CDC42: variants seen among roughly 807,000 people sequenced by gnomAD.
The protein encoded by CDC42 is cell division cycle 42.
CDC42 carries 1 observed loss-of-function variant against 20.8 expected under a neutral mutation model. The observed-to-expected ratio is 0.05, with a 90% CI of 0.02 to 0.23. CDC42 has a LOEUF of 0.23. Ranked by LOEUF, CDC42 falls within the 10% of genes least tolerant of loss-of-function variation. CDC42 has a pLI of 1.00. For synonymous variants in CDC42, 72 were observed against 84.8 expected (o/e 0.85, Z 0.83); for missense variants, 49 against 227.9 (o/e 0.21, Z 5.05).
chr1:22,072,531 AGACCTG>A (rs1477616786), intron 1 of CDC42, among the ~76,000 whole-genome samples: 2 of 152,276 alleles, frequency 1.3e-5, no homozygotes, highest in East Asian at 3.9e-4. Context: ...AAATGTTCAC[AGACCTG>A]GAAGCTCTCC....
chr1:22,087,088 TGAATGA>T, intron 5 of CDC42, among the ~76,000 whole-genome samples: 1 of 152,196 alleles, frequency 6.6e-6, no homozygotes, highest in African/African-American at 2.4e-5. Flanking sequence ...CGTATTGTAC[TGAATGA>T]TTCGTAGTGG....
chr1:22,087,179 G>T (rs1645669599), intron 5 of CDC42, among the ~76,000 whole-genome samples: 1 of 151,728 alleles, frequency 6.6e-6, no homozygotes, highest in Non-Finnish European at 1.5e-5. Flanking sequence ...CGATGTGAAT[G>T]ATTTTTTTTT....
chr1:22,073,910 C>G (rs1201430265), intron 1 of CDC42, among the ~76,000 whole-genome samples: 1 of 152,034 alleles, frequency 6.6e-6, no homozygotes, highest in Admixed American at 6.6e-5. Context: ...CTTGTCCCCC[C>G]AAAGTGCTGG....
chr1:22,090,925 G>T, intron 5 of CDC42: 2 of 340,442 alleles, frequency 5.9e-6, no homozygotes, highest in Non-Finnish European at 8.3e-6. Flanking sequence ...TGGGATAAAG[G>T]GAGTTCAAAG....
At chr1:22,060,800 TA>T (rs1645354553) in intron 1 of CDC42, among the ~76,000 whole-genome samples, 1 of 152,214 alleles carries the variant, frequency 6.6e-6, no homozygotes, top group Non-Finnish European at 1.5e-5. Context: ...CTTGCTTGCC[TA>T]AAAAACATTT....
At chr1:22,072,152 C>G (rs1338803489) in intron 1 of CDC42, among the ~76,000 whole-genome samples, 1 of 123,730 alleles carries the variant, frequency 8.1e-6, no homozygotes, top group Non-Finnish European at 1.6e-5. Context: ...GGCTGGAGTA[C>G]AGTGGCGTGA....
chr1:22,096,730 A>G lies in CDC42; in HGVS notation c.*5213A>G, dbSNP rs1221277578. ...CTGGGCCACTGCCCAGGCCACACAGAGCCTTTGTGCAAATTAGAAAAGGCC... is the reference window on the plus strand; with the variant it reads ...CTGGGCCACTGCCCAGGCCACACAGGGCCTTTGTGCAAATTAGAAAAGGCC... On this transcript the variant is annotated 3_prime_UTR_variant, in exon 6 of 6. Coordinates refer to ENST00000656825, the MANE Select transcript of CDC42 (RefSeq NM_001791.4). 6.6e-6 allele frequency among the ~76,000 whole-genome samples: 1 copy of G among 152,254 alleles called. No homozygotes were observed. Among genetic ancestry groups the G allele is most frequent in the Non-Finnish European group, 1.5e-5 (1 of 68,038 alleles).
At chr1:22,077,818 CT>C (rs1645567307) in intron 1 of CDC42, among the ~76,000 whole-genome samples, 2 of 152,196 alleles carry the variant, frequency 1.3e-5, no homozygotes, top group Admixed American at 1.3e-4. Context: ...AGCAATCTGA[CT>C]TTTTCATTAT....
At position 22,100,023 on chromosome 1, in the gene CDC42, C is replaced by T. The variant is rs1435755057; in HGVS notation, c.*8506C>T. ...TGGCCTTTTTTTCTTTCTTCTTCTT[C>T]TTCTTCTTTTTTTTTTTTTTTGTAT... On this transcript the variant is annotated 3_prime_UTR_variant, in exon 6 of 6. Coordinates refer to ENST00000656825, the MANE Select transcript of CDC42 (RefSeq NM_001791.4). 7.3e-5 allele frequency among the ~76,000 whole-genome samples: 2 copies of T among 27,388 alleles called. No individual in the cohort carries two copies. The highest frequency in any genetic ancestry group is 1.6e-4 in the African/African-American group (1 of 6,430). The allele number at this position is 27,388 out of a possible 152,430, so 18.0% of individuals were successfully genotyped here.
chr1:22,084,917 T>C (rs1472182438), intron 3 of CDC42, among the ~76,000 whole-genome samples: 1 of 152,080 alleles, frequency 6.6e-6, no homozygotes, highest in African/African-American at 2.4e-5. Context: ...CACTGAATGG[T>C]CTTGGCACCC....
At chr1:22,089,793 A>G in intron 5 of CDC42, 3 of 725,476 alleles carry the variant, frequency 4.1e-6, no homozygotes, top group East Asian at 5.7e-5. Context: ...CCTGGTTATA[A>G]TGGGCTTAAG....
chr1:22,073,761 C>T (rs1645518354), intron 1 of CDC42, among the ~76,000 whole-genome samples: 1 of 152,082 alleles, frequency 6.6e-6, no homozygotes, highest in Non-Finnish European at 1.5e-5. Context: ...TCAAGCAATC[C>T]TCCCACCTCA....
intron 1 of CDC42, among the ~76,000 whole-genome samples, chr1:22,067,170 C>T (rs1228105545): frequency 2.6e-5 from 4 of 152,062 alleles, no homozygotes; most frequent in African/African-American, 9.7e-5. Context: ...CTGTTTAGTC[C>T]GTTTAGGCTT....
intron 3 of CDC42, among the ~76,000 whole-genome samples, chr1:22,082,308 CAT>C (rs543418064): frequency 9.2e-5 from 14 of 152,210 alleles, no homozygotes; most frequent in African/African-American, 2.2e-4. Flanking sequence ...TGTCTAATAA[CAT>C]GTTTAGTTTC....
At position 22,089,866 on chromosome 1, in the gene CDC42, G is replaced by A. The variant is rs1161430695; in HGVS notation, c.487-1562G>A. 5.0e-6 allele frequency: 7 copies of A among 1,399,726 alleles called. No individual in the cohort carries two copies. In the South Asian group the frequency reaches 5.3e-5, roughly 11 times the overall value. 86.7% of individuals were successfully genotyped at this position (1,399,726 alleles called of 1,614,324 possible). ...TCTGTGAATTCAGCTCATTTAATCC[G>A]GACTGCTGTTGTACCTGCTAGTCTT... On this transcript the variant is annotated intron_variant, in intron 5 of 5. Transcript: ENST00000656825.
chr1:22,069,401 C>T (rs896374363), intron 1 of CDC42, among the ~76,000 whole-genome samples: 2 of 152,060 alleles, frequency 1.3e-5, no homozygotes, highest in South Asian at 4.1e-4. Flanking sequence ...GTCTCGAACT[C>T]CTGACCTCAA....
intron 1 of CDC42, among the ~76,000 whole-genome samples, chr1:22,070,911 A>G (rs892731981): frequency 1.2e-4 from 18 of 152,184 alleles, no homozygotes; most frequent in Non-Finnish European, 1.9e-4. Flanking sequence ...TGCTCGGTGT[A>G]CTTTTGTGGC....
chr1:22,090,236 T>C, intron 5 of CDC42: 1 of 1,260,000 alleles, frequency 7.9e-7, no homozygotes, highest in Admixed American at 3.6e-5. Context: ...GTTGGACTTG[T>C]TTTAACGTTC....
rs16826538 is a variant in CDC42, at chr1:22,086,930, C to T, written c.486+64C>T. The T allele has an allele frequency of 4.4e-4, 600 of 1,355,762 alleles. 2 individuals are homozygous for T. In the African/African-American group the frequency reaches 7.4e-3, roughly 17 times the overall value. The allele number at this position is 1,355,762 out of a possible 1,614,324, so 84.0% of individuals were successfully genotyped here. On this transcript the variant is annotated intron_variant, in intron 5 of 5. Transcript: ENST00000656825. ...AGTCATTTATTAGAGCATTAGGATA[C>T]AGGAGTTATTTCTAACAGTGATCAG...
Sources: gnomAD v4.1 joint callset for allele counts (sites outside exome capture counted in the v4.1 genomes callset) on GRCh38, gnomAD v4.1.1 for gene constraint, MANE v1.5 for transcripts, NCBI Gene and HGNC (gene_info 2026-07-23, HGNC 2026-07-21) for gene names.